Variants in MALSU1 observed in about 807,000 individuals in gnomAD.
MALSU1 encodes mitochondrial assembly of ribosomal large subunit protein 1.
MALSU1 carries 22 observed loss-of-function variants against 22.1 expected under a neutral mutation model. The ratio of observed to expected loss-of-function variants is 1.00; its 90% CI spans 0.71 to 1.42. The LOEUF is 1.42. MALSU1 is among the 40% of genes most tolerant of loss of function. The probability of loss-of-function intolerance (pLI) is 0.00; values close to 1 mark genes in which losing one functional copy is unlikely to be tolerated. For missense variants in MALSU1, 379 were observed against 308.3 expected (o/e 1.23, Z -1.72); for synonymous variants, 153 against 118.5 (o/e 1.29, Z -1.89).
In MALSU1 at chr7:23,309,514, G is replaced by A. The variant is rs202173917; in HGVS notation, c.676G>A (p.Val226Met). The A allele has an allele frequency of 1.2e-5, 19 of 1,608,560 alleles. No individual in the cohort carries two copies. Among genetic ancestry groups the A allele is most frequent in the East Asian group, 8.9e-5 (4 of 44,790 alleles). Residue 226 changes from valine (V) to methionine (M), a missense_variant, in exon 4 of 4, where the codon GTG becomes ATG. By Grantham distance (21) the Val-to-Met change is conservative. Transcript: ENST00000466681. ...TGGAATAGAAGATGATACTTCATCT[G>A]TGACTCCAGTGGAGTTAAAATGTGA... ...ILGIEDDTSS[V>M]TPVELKCE
intron 2 of MALSU1, chr7:23,301,287 T>C (rs1783641861): frequency 3.8e-6 from 1 of 261,022 alleles, no homozygotes; most frequent in African/African-American, 2.2e-5. Flanking sequence ...TGAGATGGAG[T>C]TTTGCTCTTG....
At chr7:23,305,638 A>G (rs888092449) in intron 2 of MALSU1, among the ~76,000 whole-genome samples, 3 of 152,056 alleles carry the variant, frequency 2.0e-5, no homozygotes, top group African/African-American at 7.2e-5. Flanking sequence ...TGGCCTCCCA[A>G]AGGGCTGGGA....
intron 3 of MALSU1, among the ~76,000 whole-genome samples, 176 bp from the exon 4 acceptor site, chr7:23,309,180 G>GGC (rs1783768218): frequency 6.6e-6 from 1 of 152,222 alleles, no homozygotes; most frequent in African/African-American, 2.4e-5. Context: ...CACTGAGAAA[G>GGC]GCATAGCATC....
intron 2 of MALSU1, among the ~76,000 whole-genome samples, chr7:23,306,709 A>C (rs182825394): frequency 2.6e-5 from 4 of 152,164 alleles, no homozygotes; most frequent in African/African-American, 7.2e-5. Flanking sequence ...TTTTTTCTTC[A>C]TTCTGTTAAT....
intron 3 of MALSU1, among the ~76,000 whole-genome samples, chr7:23,308,343 C>G (rs578060766): frequency 6.6e-6 from 1 of 151,854 alleles, no homozygotes; most frequent in African/African-American, 2.4e-5. Context: ...ATTCCAGGCA[C>G]AAAAAAGGAC....
intron 3 of MALSU1, 162 bp downstream of exon 3, chr7:23,308,111 G>C: frequency 1.6e-6 from 1 of 633,404 alleles, no homozygotes; most frequent in Non-Finnish European, 2.8e-6. Context: ...TATAATCCAG[G>C]TGGTCTTATT....
chr7:23,299,673 G>A, intron 1 of MALSU1, 65 bp downstream of exon 1: 1 of 1,492,392 alleles, frequency 6.7e-7, no homozygotes. Flanking sequence ...TCCCAGCCAA[G>A]GTGGCTCTGG....
intron 2 of MALSU1, 83 bp downstream of exon 2, chr7:23,301,100 G>A: frequency 7.9e-7 from 1 of 1,260,388 alleles, no homozygotes; most frequent in Non-Finnish European, 1.1e-6. Context: ...ACACTTAGAG[G>A]GTAAACCCAT....
At chr7:23,300,091 G>A (rs1783621116) in intron 1 of MALSU1, among the ~76,000 whole-genome samples, 1 of 152,102 alleles carries the variant, frequency 6.6e-6, no homozygotes, top group South Asian at 2.1e-4. Context: ...AGTATGAGAG[G>A]GAGAGGCCTT....
At chr7:23,304,921 A>C (rs901154331) in intron 2 of MALSU1, among the ~76,000 whole-genome samples, 2 of 152,114 alleles carry the variant, frequency 1.3e-5, no homozygotes, top group Admixed American at 6.5e-5. Context: ...GATGCACGAA[A>C]GTATTTAATT....
chr7:23,303,964 G>C (rs1783691744), intron 2 of MALSU1, among the ~76,000 whole-genome samples: 1 of 151,960 alleles, frequency 6.6e-6, no homozygotes, highest in African/African-American at 2.4e-5. Context: ...TAATTAGCTG[G>C]GTGTGGTGGA....
intron 1 of MALSU1, 143 bp downstream of exon 1, chr7:23,299,751 C>A: frequency 2.0e-6 from 2 of 1,024,520 alleles, no homozygotes; most frequent in East Asian, 2.7e-5. Context: ...GAAGGGACTT[C>A]AAAGGTTGTT....
intron 2 of MALSU1, among the ~76,000 whole-genome samples, chr7:23,307,388 A>C (rs575372379): frequency 6.6e-6 from 1 of 152,180 alleles, no homozygotes; most frequent in African/African-American, 2.4e-5. Flanking sequence ...ATATTAGTAT[A>C]TCTGTTTTAA....
At chr7:23,299,878 T>C (rs1408854186) in intron 1 of MALSU1, among the ~76,000 whole-genome samples, 2 of 152,126 alleles carry the variant, frequency 1.3e-5, no homozygotes, top group Non-Finnish European at 2.9e-5. Flanking sequence ...CCGTCCTCAC[T>C]TCCTTTTACC....
chr7:23,307,760 TAAGA>T, intron 2 of MALSU1, 104 bp from the exon 3 acceptor site: 2 of 701,022 alleles, frequency 2.9e-6, no homozygotes, highest in Non-Finnish European at 4.9e-6. Context: ...GAGAAATGAG[TAAGA>T]AAGATTAAAA....
rs1388353181 is a variant in MALSU1, at chr7:23,311,493, T to G, written c.*1950T>G. ...CCACTTTGTTAGTACCGTCAAAAAC[T>G]TTCCCAACTATAAATGAAAGAATAA... is the stretch of plus-strand genomic sequence containing the variant. On this transcript the variant is annotated 3_prime_UTR_variant, in exon 4 of 4. Coordinates refer to ENST00000466681, the MANE Select transcript of MALSU1 (RefSeq NM_138446.2). 1 of 152,468 alleles carries G rather than the reference T, an allele frequency of 6.6e-6. No individual in the cohort carries two copies. Among genetic ancestry groups the G allele is most frequent in the Non-Finnish European group, 1.5e-5 (1 of 68,036 alleles). 9.4% of individuals were successfully genotyped at this position (152,468 alleles called of 1,614,324 possible). A position where few individuals can be genotyped will look rare whatever the true frequency, so the allele number is the denominator to read the frequency against.
intron 2 of MALSU1, among the ~76,000 whole-genome samples, chr7:23,306,526 C>G (rs923467536): frequency 3.9e-5 from 6 of 152,054 alleles, no homozygotes; most frequent in South Asian, 2.1e-4. Flanking sequence ...CCTGATCTTA[C>G]AGGAAAGCTT....
In MALSU1 at chr7:23,300,942, T is replaced by C. The variant is rs771070855; in HGVS notation, c.360T>C (p.Tyr120=). ...TCCAGGTTCCTCCAGAAATGAGATA[T>C]ACAGATTACTTTGTGATTGTTAGTG... The part of the protein sequence containing the change: ...CVIQVPPEMR[Y]TDYFVIVSGT... The change falls in exon 2 of 4, where the codon TAT becomes TAC. Residue 120 remains tyrosine (Y), a synonymous_variant. Transcript: ENST00000466681. The C allele has an allele frequency of 6.2e-6, 10 of 1,614,022 alleles. No individual in the cohort carries two copies. Among genetic ancestry groups the C allele is most frequent in the East Asian group, 4.5e-5 (2 of 44,864 alleles).
intron 3 of MALSU1, 59 bp from the exon 4 acceptor site, chr7:23,309,292 TGTAAG>T (rs1379398631): frequency 1.0e-4 from 141 of 1,416,956 alleles, no homozygotes; most frequent in East Asian, 6.0e-4. Flanking sequence ...CAGTGTGTGT[TGTAAG>T]GTAAGAATAA....
Sources: gnomAD v4.1 joint callset for allele counts (sites outside exome capture counted in the v4.1 genomes callset) on GRCh38, gnomAD v4.1.1 for gene constraint, MANE v1.5 for transcripts, NCBI Gene and HGNC (gene_info 2026-07-23, HGNC 2026-07-21) for gene names.